Variants in OR8B3 observed in about 807,000 individuals in gnomAD.
The protein encoded by OR8B3 is olfactory receptor family 8 subfamily B member 3, also known as olfactory receptor 8B3.
For synonymous variants in OR8B3, 102 were observed against 135.4 expected, an observed-to-expected ratio of 0.75 and a Z score of 1.71; for missense variants, 278 against 377.6, an observed-to-expected ratio of 0.74 and a Z score of 2.19.
At chr11:124,397,396 G>C in intron 1 of OR8B3, 28 bp from the exon 2 acceptor site, 1 of 863,976 alleles carries the variant, frequency 1.2e-6, no homozygotes, top group South Asian at 1.8e-5. Flanking sequence ...AATTCTATTA[G>C]GAACACAGAT....
upstream of OR8B3, among the ~76,000 whole-genome samples, chr11:124,403,561 C>T (rs510052): frequency 0.32 from 48,880 of 150,660 alleles, 7,902 homozygotes; most frequent in South Asian, 0.39. Flanking sequence ...GATGGGCGGC[C>T]GGGCAGAGAC....
At chr11:124,398,070 G>C (rs1231674131) in intron 1 of OR8B3, among the ~76,000 whole-genome samples, 1 of 152,110 alleles carries the variant, frequency 6.6e-6, no homozygotes, top group East Asian at 1.9e-4. Context: ...CCAGGTAAGG[G>C]AGGATTCCTT....
chr11:124,403,128 G>C (rs1453401090), upstream of OR8B3, among the ~76,000 whole-genome samples: 3 of 152,236 alleles, frequency 2.0e-5, no homozygotes, highest in Non-Finnish European at 4.4e-5. Context: ...ACATGTTTCA[G>C]AGAGCACAGG....
chr11:124,399,800 C>T (rs1330227387), upstream of OR8B3, among the ~76,000 whole-genome samples: 1 of 151,970 alleles, frequency 6.6e-6, no homozygotes, highest in Admixed American at 6.6e-5. Context: ...TTAACATGCT[C>T]GTATGTATGT....
At chr11:124,400,774 A>G (rs934861959), upstream of OR8B3, among the ~76,000 whole-genome samples, 4 of 151,710 alleles carry the variant, frequency 2.6e-5, no homozygotes, top group African/African-American at 7.3e-5. Context: ...CTGGGCTCAA[A>G]CAATCCTCCC....
At chr11:124,399,876 C>G (rs1210800963), upstream of OR8B3, among the ~76,000 whole-genome samples, 1 of 133,646 alleles carries the variant, frequency 7.5e-6, no homozygotes. Context: ...AGTCAGGATA[C>G]AGAATTCTCT....
At position 124,396,178 on chromosome 11, in the gene OR8B3, T is replaced by A. The variant is rs181487986; in HGVS notation, c.*232A>T. 2.3e-6 allele frequency: 1 copy of A among 437,026 alleles called. No homozygotes were observed. Among genetic ancestry groups the A allele is most frequent in the Admixed American group, 4.0e-5 (1 of 25,172 alleles). 27.1% of individuals were successfully genotyped at this position (437,026 alleles called of 1,614,324 possible). A position where few individuals can be genotyped will look rare whatever the true frequency, so the allele number is the denominator to read the frequency against. On this transcript the variant is annotated 3_prime_UTR_variant, in exon 2 of 2. Coordinates refer to ENST00000641139, the MANE Select transcript of OR8B3 (RefSeq NM_001005467.2). ...GGATATAAAATGATAATGAAAAATA[T>A]CAGTGCATATGTTCCTTTTACAAAG...
rs1565350480 is a variant in OR8B3, at chr11:124,396,710, G to A, written c.642C>T (p.Ile214=). The change falls in exon 2 of 2, where the codon ATC becomes ATT. Residue 214 remains isoleucine, a synonymous_variant. Transcript: ENST00000641139. ...TGACAATGAAAACATAAGAAATGAG[G>A]ATGGTACAACTGGGTACCATGATAT... ...GINIMVPSCT[I]LISYVFIVTS... is the part of the protein sequence containing the mutation. The A allele has an allele frequency of 1.2e-6, 2 of 1,613,902 alleles. No individual in the cohort carries two copies. The highest frequency in any genetic ancestry group is 1.7e-6 in the Non-Finnish European group (2 of 1,179,866).
chr11:124,402,193 A>G (rs1861004803), upstream of OR8B3, among the ~76,000 whole-genome samples: 1 of 152,216 alleles, frequency 6.6e-6, no homozygotes, highest in South Asian at 2.1e-4. Context: ...TACAGCTGGT[A>G]TAACAGAAGG....
the OR8B3 span, among the ~76,000 whole-genome samples, chr11:124,405,921 C>T: frequency 4.6e-5 from 7 of 152,166 alleles, no homozygotes; most frequent in East Asian, 1.9e-4. Context: ...AATTTCATGT[C>T]GGGAAATCCA....
chr11:124,409,749 G>A, the OR8B3 span, among the ~76,000 whole-genome samples: 5 of 152,294 alleles, frequency 3.3e-5, no homozygotes, highest in South Asian at 4.1e-4. Context: ...CAGGCTTTGT[G>A]TGCTCACAGA....
the OR8B3 span, among the ~76,000 whole-genome samples, chr11:124,409,099 A>G: frequency 1.3e-5 from 2 of 152,140 alleles, no homozygotes; most frequent in African/African-American, 2.4e-5. Context: ...CCTGCCCTGC[A>G]TTACTTGGAC....
At position 124,398,983 on chromosome 11, in the gene OR8B3, C is replaced by T. The variant is rs1023124880; in HGVS notation, c.-311G>A. The T allele has an allele frequency of 6.6e-6, 1 of 152,210 alleles. No individual in the cohort carries two copies. The highest frequency in any genetic ancestry group is 2.4e-5 in the African/African-American group (1 of 41,460). 9.4% of individuals were successfully genotyped at this position (152,210 alleles called of 1,614,324 possible). Reference sequence around the variant, plus strand: ...TAGAGCACATGGCATTTGCTCAAGGCTTACAATTCTTTTGGACCTGATTAC... The same window carrying T: ...TAGAGCACATGGCATTTGCTCAAGGTTTACAATTCTTTTGGACCTGATTAC... On this transcript the variant is annotated 5_prime_UTR_variant, in exon 1 of 2. Coordinates refer to ENST00000641139, the MANE Select transcript of OR8B3 (RefSeq NM_001005467.2).
At position 124,396,404 on chromosome 11, in the gene OR8B3, T is replaced by C; in HGVS notation, c.*6A>G. ...TTCAATCGTTTTACATTATTACTGC[T>C]TCTAATTAGAATATATTTCTTCTCT... On this transcript the variant is annotated 3_prime_UTR_variant, in exon 2 of 2. Coordinates refer to ENST00000641139, the MANE Select transcript of OR8B3 (RefSeq NM_001005467.2). The C allele has an allele frequency of 6.3e-7, 1 of 1,586,818 alleles. No individual in the cohort carries two copies. Among genetic ancestry groups the C allele is most frequent in the East Asian group, 2.2e-5 (1 of 44,694 alleles).
rs746649164 is a variant in OR8B3 at position 124,396,871 on chromosome 11, C to T, written c.481G>A (p.Gly161Arg). Residue 161 changes from glycine to arginine, a missense_variant, in exon 2 of 2, where the codon GGG becomes AGG. Gly to Arg is a moderately radical substitution (Grantham distance 125). Transcript: ENST00000641139. ...CAGAAGGTGAGTCTAAGCATGCACC[C>T]GGTGTGGGCCGTGGCTCCAGCCAAT... ...MGLAGATAHT[G>R]CMLRLTFCSA... 12 of 1,606,610 alleles carry T rather than the reference C, an allele frequency of 7.5e-6. No homozygotes were observed. Among genetic ancestry groups the T allele is most frequent in the South Asian group, 6.6e-5 (6 of 90,614 alleles).
upstream of OR8B3, among the ~76,000 whole-genome samples, chr11:124,400,400 T>C (rs1458913356): frequency 6.6e-6 from 1 of 152,132 alleles, no homozygotes; most frequent in Non-Finnish European, 1.5e-5. Flanking sequence ...TTAACTATAC[T>C]CTCCAGTCAG....
upstream of OR8B3, among the ~76,000 whole-genome samples, chr11:124,400,882 A>G (rs1164331165): frequency 6.6e-6 from 1 of 152,086 alleles, no homozygotes. Context: ...TAAAATTTCT[A>G]TAATTTTATA....
Position 124,396,370 on chromosome 11 carries a change from T to G in OR8B3, c.*40A>C, listed in dbSNP as rs780003409. ...CTTCATGGAACACACTAATAAAAAT[T>G]TAAAGTTCTTCAATCGTTTTACATT... is the stretch of plus-strand genomic sequence containing the variant. On this transcript the variant is annotated 3_prime_UTR_variant, in exon 2 of 2. Transcript: ENST00000641139. The G allele has an allele frequency of 6.6e-7, 1 of 1,526,702 alleles. No homozygotes were observed. The highest frequency in any genetic ancestry group is 2.1e-5 in the Admixed American group (1 of 46,710). The allele number at this position is 1,526,702 out of a possible 1,614,324, so 94.6% of individuals were successfully genotyped here. A position where few individuals can be genotyped will look rare whatever the true frequency, so the allele number is the denominator to read the frequency against.
Position 124,397,283 on chromosome 11 carries a change from G to T in OR8B3, c.69C>A (p.Phe23Leu), listed in dbSNP as rs1290154714. The T allele has an allele frequency of 7.9e-7, 1 of 1,259,676 alleles. No individual in the cohort carries two copies. Among genetic ancestry groups the T allele is most frequent in the East Asian group, 2.3e-5 (1 of 42,694 alleles). The allele number at this position is 1,259,676 out of a possible 1,614,324, so 78.0% of individuals were successfully genotyped here. A position where few individuals can be genotyped will look rare whatever the true frequency, so the allele number is the denominator to read the frequency against. ...GAAACAGGAAAAAGAGGGGTTGCTG[G>T]AACTCTGGATGATCTGTTAATCCAG... is the stretch of plus-strand genomic sequence containing the variant. The part of the protein sequence containing the change: ...ILAGLTDHPE[F>L]QQPLFFLFLV... The change falls in exon 2 of 2, where the codon TTC (phenylalanine) becomes TTA (leucine). Residue 23 changes from phenylalanine to leucine, a missense_variant. Physicochemically the swap from Phe to Leu is conservative, Grantham distance 22. Coordinates refer to ENST00000641139, the MANE Select transcript of OR8B3 (RefSeq NM_001005467.2).
Sources: gnomAD v4.1 joint callset for allele counts (sites outside exome capture counted in the v4.1 genomes callset) on GRCh38, gnomAD v4.1.1 for gene constraint, MANE v1.5 for transcripts, NCBI Gene and HGNC (gene_info 2026-07-23, HGNC 2026-07-21) for gene names.